The following ARHGAP32 variants were observed in gnomAD, a reference collection of about 807,000 sequenced individuals.
The protein encoded by ARHGAP32 is Rho GTPase activating protein 32.
A neutral mutation model predicts 186.5 loss-of-function variants in ARHGAP32; 51 were observed. The ratio of observed to expected loss-of-function variants is 0.27; its 90% CI spans 0.22 to 0.35. ARHGAP32 has a LOEUF of 0.35. ARHGAP32 is among the 10% of genes least tolerant of loss of function. The pLI is 1.00. For synonymous variants in ARHGAP32, 950 were observed against 964.3 expected (o/e 0.99, Z 0.27); for missense variants, 2,186 against 2,623.5 (o/e 0.83, Z 3.64).
intron 1 of ARHGAP32, among the ~76,000 whole-genome samples, chr11:129,208,986 C>T (rs2135588568): frequency 6.6e-6 from 1 of 152,208 alleles, no homozygotes; most frequent in Middle Eastern, 3.4e-3. Flanking sequence ...AGTTGTAACA[C>T]ATTCCAAGAT....
intron 2 of ARHGAP32, among the ~76,000 whole-genome samples, chr11:129,144,344 G>A (rs903583250): frequency 2.6e-5 from 4 of 152,040 alleles, no homozygotes; most frequent in African/African-American, 9.7e-5. Context: ...TTTCTAAATC[G>A]AATCTGTGAA....
intron 12 of ARHGAP32, among the ~76,000 whole-genome samples, chr11:128,988,441 T>C (rs969250745): frequency 1.3e-5 from 2 of 152,172 alleles, no homozygotes; most frequent in African/African-American, 4.8e-5. Flanking sequence ...CAGTTACACA[T>C]TACAGCAAAG....
intron 1 of ARHGAP32, among the ~76,000 whole-genome samples, chr11:129,241,516 C>T (rs1945017778): frequency 1.3e-5 from 2 of 152,016 alleles, no homozygotes. Context: ...TGTGTTGGCG[C>T]ACATCTGTAG....
chr11:128,992,735 C>T (rs1292782553), intron 12 of ARHGAP32, among the ~76,000 whole-genome samples: 1 of 151,834 alleles, frequency 6.6e-6, no homozygotes, highest in Non-Finnish European at 1.5e-5. Flanking sequence ...TGCAGTGAGC[C>T]GAGATTGTGC....
chr11:129,064,080 T>C (rs564212181), intron 8 of ARHGAP32, 56 bp from the exon 9 acceptor site: 3 of 1,482,146 alleles, frequency 2.0e-6, no homozygotes, highest in East Asian at 2.3e-5. Flanking sequence ...AAATGCTTCT[T>C]TGACTATCTA....
At chr11:129,076,138 C>A (rs750043235) in intron 6 of ARHGAP32, among the ~76,000 whole-genome samples, 8 of 152,196 alleles carry the variant, frequency 5.3e-5, no homozygotes, top group African/African-American at 1.7e-4. Context: ...GAGATAACAA[C>A]GTCAAGAAGT....
At chr11:129,179,500 T>C (rs1944000709) in intron 1 of ARHGAP32, among the ~76,000 whole-genome samples, 1 of 151,846 alleles carries the variant, frequency 6.6e-6, no homozygotes, top group Non-Finnish European at 1.5e-5. Flanking sequence ...CACACGTATG[T>C]TTATTGCGGC....
chr11:129,097,358 T>C (rs1320979621), intron 5 of ARHGAP32, among the ~76,000 whole-genome samples: 3 of 152,072 alleles, frequency 2.0e-5, no homozygotes, highest in Non-Finnish European at 1.5e-5. Context: ...AAAGATCTGA[T>C]AGTAGGTTTA....
At chr11:128,979,054 C>T in intron 18 of ARHGAP32, 139 bp from the exon 19 acceptor site, 1 of 693,968 alleles carries the variant, frequency 1.4e-6, no homozygotes, top group Non-Finnish European at 2.3e-6. Context: ...ATCCACCTTC[C>T]AGACAGCACA....
chr11:129,260,945 G>A (rs542668227), intron 1 of ARHGAP32, among the ~76,000 whole-genome samples: 1 of 152,014 alleles, frequency 6.6e-6, no homozygotes, highest in African/African-American at 2.4e-5. Context: ...ACAAAGATAA[G>A]AAACAGTTTC....
intron 1 of ARHGAP32, among the ~76,000 whole-genome samples, chr11:129,263,569 G>A (rs1945352359): frequency 7.0e-6 from 1 of 142,756 alleles, no homozygotes. Flanking sequence ...AAAGGAGGAG[G>A]AGGAGAAGGA....
intron 8 of ARHGAP32, among the ~76,000 whole-genome samples, chr11:129,064,425 C>T (rs1859345783): frequency 6.6e-6 from 1 of 152,074 alleles, no homozygotes; most frequent in Non-Finnish European, 1.5e-5. Flanking sequence ...TACATATGCA[C>T]ATTAAGAATA....
At position 129,130,269 on chromosome 11, in the gene ARHGAP32, T is replaced by G. The variant is rs960407555; in HGVS notation, c.226-5375A>C. 4.6e-5 allele frequency among the ~76,000 whole-genome samples: 7 copies of G among 152,264 alleles called. No individual in the cohort carries two copies. In the East Asian group the frequency reaches 5.8e-4, roughly 13 times the overall value. ...TGTCAATCAATCAGAACAGTACAGT[T>G]TTTAAAAGTATGCAAAAATTAAGAA... On this transcript the variant is annotated intron_variant, in intron 2 of 22. Transcript: ENST00000682385.
At chr11:129,276,118 T>C (rs1945526133) in intron 1 of ARHGAP32, among the ~76,000 whole-genome samples, 1 of 152,202 alleles carries the variant, frequency 6.6e-6, no homozygotes, top group Non-Finnish European at 1.5e-5. Context: ...CTCTATTAAA[T>C]TTTAAAAAGC....
chr11:129,261,969 T>C (rs1945326084), intron 1 of ARHGAP32, among the ~76,000 whole-genome samples: 1 of 152,200 alleles, frequency 6.6e-6, no homozygotes, highest in East Asian at 1.9e-4. Flanking sequence ...TGTTTAGCGA[T>C]TACCATAACA....
intron 1 of ARHGAP32, among the ~76,000 whole-genome samples, chr11:129,251,798 G>A (rs1349518507): frequency 6.6e-6 from 1 of 151,586 alleles, no homozygotes; most frequent in Non-Finnish European, 1.5e-5. Context: ...GCTGGGTGTG[G>A]CGAGGTGTGC....
At position 128,973,996 on chromosome 11, in the gene ARHGAP32, C is replaced by T. The variant is rs1591487278; in HGVS notation, c.3073+128G>A. 11 of 1,179,456 alleles carry T rather than the reference C, an allele frequency of 9.3e-6. No individual in the cohort carries two copies. In the East Asian group the frequency reaches 2.4e-4, roughly 25 times the overall value. 73.1% of individuals were successfully genotyped at this position (1,179,456 alleles called of 1,614,324 possible). A position where few individuals can be genotyped will look rare whatever the true frequency, so the allele number is the denominator to read the frequency against. ...TTAGGGCTCTGAGCCATCAGCACCACCCAGAAAAGCATTCTCTTTGATTAA... is the reference window on the plus strand; with the variant it reads ...TTAGGGCTCTGAGCCATCAGCACCATCCAGAAAAGCATTCTCTTTGATTAA... On this transcript the variant is annotated intron_variant, in intron 21 of 22. Coordinates refer to ENST00000682385, the MANE Select transcript of ARHGAP32 (RefSeq NM_001378024.1).
chr11:129,119,695 T>C (rs565038285), intron 5 of ARHGAP32, among the ~76,000 whole-genome samples: 12 of 152,162 alleles, frequency 7.9e-5, no homozygotes, highest in East Asian at 3.9e-4. Flanking sequence ...CTGGTGACTA[T>C]AGTTGCAATC....
At position 129,164,363 on chromosome 11, in the gene ARHGAP32, G is replaced by A; in HGVS notation, c.181C>T (p.His61Tyr). Residue 61 changes from histidine (H) to tyrosine (Y), a missense_variant, in exon 2 of 23, where the codon CAC becomes TAC. His to Tyr is a moderately conservative substitution (Grantham distance 83). This residue lies in a region of ARHGAP32 where 108 missense variants were observed against 116.8 expected (regional missense o/e 0.92). Transcript: ENST00000682385. ...TCCCAATCAGGCCGCTCTCGAGGGTGTACATTTCTATGTAGCTCTGGAACA... is the reference window on the plus strand; with the variant it reads ...TCCCAATCAGGCCGCTCTCGAGGGTATACATTTCTATGTAGCTCTGGAACA... ...DFVPELHRNV[H>Y]PRERPDWEET... The A allele has an allele frequency of 6.3e-7, 1 of 1,584,240 alleles. No homozygotes were observed. The highest frequency in any genetic ancestry group is 1.8e-5 in the Admixed American group (1 of 56,240).
Sources: allele counts gnomAD v4.1 joint callset (sites outside exome capture counted in the v4.1 genomes callset), GRCh38; gene constraint gnomAD v4.1.1; regional missense constraint gnomAD v4.1.1; transcripts MANE v1.5; gene names NCBI Gene and HGNC (gene_info 2026-07-23, HGNC 2026-07-21).